Variants in PCDHGA6 observed in about 807,000 individuals in gnomAD.
PCDHGA6 encodes the protein protocadherin gamma-A6.
In PCDHGA6, 41 loss-of-function variants were observed where a neutral mutation model predicts 60.6. The observed-to-expected ratio is 0.68, with a 90% CI of 0.53 to 0.88. PCDHGA6 has a LOEUF of 0.88. Among genes scored for constraint, PCDHGA6 ranks in the 40% least tolerant of loss-of-function variants. The pLI is 0.00. For synonymous variants in PCDHGA6, 594 were observed against 524.4 expected (o/e 1.13, Z -1.81); for missense variants, 1,312 against 1,203.0 (o/e 1.09, Z -1.34).
At position 141,487,235 on chromosome 5, in the gene PCDHGA6, C is replaced by A. The variant is rs752316565; in HGVS notation, c.2425-7572C>A. ...TTCAGCTCCAAGGGAAGGAGAATCT[C>A]GTCTAACCCTCTACTTGGCTGTGTC... On this transcript the variant is annotated intron_variant, in intron 1 of 3. Coordinates refer to ENST00000517434, the MANE Select transcript of PCDHGA6 (RefSeq NM_018919.3). This position sits in a 1 kb window ranked among gnomAD's most constrained non-coding sequence, Gnocchi z 5.0. 11 of 1,614,126 alleles carry A rather than the reference C, an allele frequency of 6.8e-6. No homozygotes were observed. The highest frequency in any genetic ancestry group is 7.6e-6 in the Non-Finnish European group (9 of 1,179,994).
intron 1 of PCDHGA6, among the ~76,000 whole-genome samples, chr5:141,451,395 A>G (rs2098715118): frequency 6.6e-6 from 1 of 152,184 alleles, no homozygotes; most frequent in Admixed American, 6.6e-5. Context: ...AGTTAATGGC[A>G]AAATTAAGTT....
chr5:141,430,949 GT>G (rs1391027030), intron 1 of PCDHGA6: 5 of 1,610,510 alleles, frequency 3.1e-6, no homozygotes, highest in Non-Finnish European at 4.2e-6. Flanking sequence ...GGAGCGCGGA[GT>G]CCGCATCATC....
chr5:141,433,076 C>G, intron 1 of PCDHGA6: 1 of 1,614,188 alleles, frequency 6.2e-7, no homozygotes, highest in Non-Finnish European at 8.5e-7. Context: ...CTTCCCCCAG[C>G]CCAACTATGC....
chr5:141,477,779 A>C lies in PCDHGA6; in HGVS notation c.2425-17028A>C. ...CCTAGCCACCAACATCAGCGTGAAC[A>C]TATTTGTCACTGATCGCAATGACAA... is the stretch of plus-strand genomic sequence containing the variant. On this transcript the variant is annotated intron_variant, in intron 1 of 3. Transcript: ENST00000517434. The surrounding 1 kb of genome is among the most constrained non-coding windows in gnomAD (Gnocchi z 4.9). 1.2e-6 allele frequency: 2 copies of C among 1,614,012 alleles called. No individual in the cohort carries two copies. Among genetic ancestry groups the C allele is most frequent in the Non-Finnish European group, 1.7e-6 (2 of 1,180,020 alleles).
At position 141,486,417 on chromosome 5, in the gene PCDHGA6, G is replaced by T. The variant is rs1298448753; in HGVS notation, c.2425-8390G>T. On this transcript the variant is annotated intron_variant, in intron 1 of 3. Transcript: ENST00000517434. The surrounding 1 kb of genome is among the most constrained non-coding windows in gnomAD (Gnocchi z 5.0). ...CTGGTGACTGCTGGACCCTTGGATCGAGAGGCCAAATCTAGCTATGACATC... is the reference window on the plus strand; with the variant it reads ...CTGGTGACTGCTGGACCCTTGGATCTAGAGGCCAAATCTAGCTATGACATC... The T allele has an allele frequency of 6.2e-7, 1 of 1,614,014 alleles. No homozygotes were observed. The highest frequency in any genetic ancestry group is 1.7e-5 in the Admixed American group (1 of 60,010).
chr5:141,393,620 G>T (rs1335715353), intron 1 of PCDHGA6: 1 of 1,613,908 alleles, frequency 6.2e-7, no homozygotes, highest in Non-Finnish European at 8.5e-7. Flanking sequence ...CCAGCGACCC[G>T]GATGAGGGAA....
intron 1 of PCDHGA6, chr5:141,426,194 T>C (rs1482565872): frequency 6.4e-6 from 1 of 155,380 alleles, no homozygotes; most frequent in Non-Finnish European, 1.4e-5. Context: ...ACTGGGAGCA[T>C]TGAGTTTTCT....
At chr5:141,400,608 A>G in intron 1 of PCDHGA6, 1 of 1,580,872 alleles carries the variant, frequency 6.3e-7, no homozygotes, top group Admixed American at 1.7e-5. Flanking sequence ...TTTCAAGTCC[A>G]ATGAGTTGTC....
intron 1 of PCDHGA6, chr5:141,400,209 G>C: frequency 3.1e-6 from 5 of 1,614,052 alleles, no homozygotes; most frequent in Non-Finnish European, 4.2e-6. Context: ...CCTTGGCCTT[G>C]ATCTCAGTGC....
At chr5:141,423,533 T>C (rs2096751691) in intron 1 of PCDHGA6, 1 of 1,613,650 alleles carries the variant, frequency 6.2e-7, no homozygotes, top group Non-Finnish European at 8.5e-7. Flanking sequence ...AAGAGTCACC[T>C]GATTTTCCCC....
chr5:141,394,487 C>T (rs371014360), intron 1 of PCDHGA6: 11 of 1,614,248 alleles, frequency 6.8e-6, no homozygotes, highest in African/African-American at 5.3e-5. Context: ...AGAATGACAA[C>T]GCGCCCGAGA....
At chr5:141,438,957 C>T (rs1292059651) in intron 1 of PCDHGA6, among the ~76,000 whole-genome samples, 1 of 152,026 alleles carries the variant, frequency 6.6e-6, no homozygotes, top group Non-Finnish European at 1.5e-5. Context: ...TGAGCCACCG[C>T]ACCCTGCCAA....
intron 1 of PCDHGA6, chr5:141,478,451 G>A (rs377597887): frequency 2.5e-6 from 4 of 1,613,440 alleles, no homozygotes; most frequent in African/African-American, 2.7e-5. Context: ...ACCTGGTGCA[G>A]CCAGTCCACT....
chr5:141,447,161 C>T (rs1432238455), intron 1 of PCDHGA6, among the ~76,000 whole-genome samples: 1 of 151,728 alleles, frequency 6.6e-6, no homozygotes, highest in East Asian at 1.9e-4. Flanking sequence ...TTTGTTTAAG[C>T]GGGGTCTTGC....
At chr5:141,380,146 C>T (rs754635164) in intron 1 of PCDHGA6, among the ~76,000 whole-genome samples, 19 of 151,960 alleles carry the variant, frequency 1.3e-4, no homozygotes, top group African/African-American at 4.1e-4. Flanking sequence ...GTGATCCACC[C>T]GCCTCAGCCT....
In PCDHGA6 at chr5:141,489,594, TGTAGAG is replaced by T. The variant is rs1298302866; in HGVS notation, c.2425-5206_2425-5201del. 1 of 1,613,958 alleles carries T rather than the reference TGTAGAG, an allele frequency of 6.2e-7. No homozygotes were observed. The highest frequency in any genetic ancestry group is 1.3e-5 in the African/African-American group (1 of 74,906). ...CTGAACACCCCCTGGAGCTAATCCG[TGTAGAG>T]GTAGAGATCCTGGATCTCAATGACA... On this transcript the variant is annotated intron_variant, in intron 1 of 3. Coordinates refer to ENST00000517434, the MANE Select transcript of PCDHGA6 (RefSeq NM_018919.3). The surrounding 1 kb of genome is among the most constrained non-coding windows in gnomAD (Gnocchi z 4.5).
Position 141,489,826 on chromosome 5 carries a change from C to T in PCDHGA6, c.2425-4981C>T, listed in dbSNP as rs1270077118. 1 of 1,614,186 alleles carries T rather than the reference C, an allele frequency of 6.2e-7. No individual in the cohort carries two copies. The highest frequency in any genetic ancestry group is 1.7e-5 in the Admixed American group (1 of 60,028). On this transcript the variant is annotated intron_variant, in intron 1 of 3. Coordinates refer to ENST00000517434, the MANE Select transcript of PCDHGA6 (RefSeq NM_018919.3). The surrounding 1 kb of genome is among the most constrained non-coding windows in gnomAD (Gnocchi z 4.5). ...TGGGAAGCCATTCCCAGAGCTGGTGCTAGAGCAGCAGCTGGATCGTGAAGC... is the reference window on the plus strand; with the variant it reads ...TGGGAAGCCATTCCCAGAGCTGGTGTTAGAGCAGCAGCTGGATCGTGAAGC...
At chr5:141,409,063 C>A (rs988950366) in intron 1 of PCDHGA6, 2 of 1,613,860 alleles carry the variant, frequency 1.2e-6, no homozygotes, top group African/African-American at 2.7e-5. Flanking sequence ...CTGCCCAGAG[C>A]ACAAAACATA....
chr5:141,413,089 C>CTT, intron 1 of PCDHGA6: 1 of 1,401,124 alleles, frequency 7.1e-7, no homozygotes, highest in South Asian at 1.4e-5. Flanking sequence ...TACAGAGACA[C>CTT]CCTGAAGCCA....
Sources: allele counts gnomAD v4.1 joint callset (sites outside exome capture counted in the v4.1 genomes callset), GRCh38; gene constraint gnomAD v4.1.1; non-coding constraint Gnocchi (gnomAD v3.1); transcripts MANE v1.5; gene names NCBI Gene and HGNC (gene_info 2026-07-23, HGNC 2026-07-21).